PMS1: variants seen among roughly 807,000 people sequenced by gnomAD.
PMS1 encodes the protein PMS1 homolog 1, mismatch repair system component.
Under a neutral mutation model 93.1 loss-of-function variants are expected in PMS1, and 79 were observed. The observed-to-expected ratio is 0.85, with a 90% CI of 0.71 to 1.02. The LOEUF (loss-of-function observed/expected upper bound fraction) is 1.02, where lower values mean the gene tolerates loss of function less well. PMS1 is among the 50% of genes least tolerant of loss of function. The pLI is 0.00. For synonymous variants in PMS1, 335 were observed against 363.4 expected (o/e 0.92, Z 0.89); for missense variants, 1,064 against 1,085.3 (o/e 0.98, Z 0.28).
intron 4 of PMS1, among the ~76,000 whole-genome samples, chr2:189,811,618 A>G (rs562591299): frequency 1.3e-5 from 2 of 152,238 alleles, no homozygotes; most frequent in South Asian, 2.1e-4. Flanking sequence ...AACTAATAAC[A>G]TAATTAAGAT....
chr2:189,787,445 T>G (rs1020216616), intron 1 of PMS1, among the ~76,000 whole-genome samples: 1 of 152,134 alleles, frequency 6.6e-6, no homozygotes, highest in East Asian at 1.9e-4. Flanking sequence ...AAAAAAAAGT[T>G]TTACAGTTCA....
intron 7 of PMS1, among the ~76,000 whole-genome samples, chr2:189,853,255 C>T (rs1165878643): frequency 6.6e-6 from 1 of 151,880 alleles, no homozygotes; most frequent in African/African-American, 2.4e-5. Flanking sequence ...TGGGGTTTCA[C>T]CATTTGGCCA....
rs2050277933 is a variant in PMS1 at position 189,805,722 on chromosome 2, T to C, written c.386T>C (p.Ile129Thr). The C allele has an allele frequency of 1.2e-6, 2 of 1,613,904 alleles. No individual in the cohort carries two copies. Among genetic ancestry groups the C allele is most frequent in the Non-Finnish European group, 1.7e-6 (2 of 1,179,900 alleles). The change falls in exon 4 of 13, where the codon ATA (isoleucine) becomes ACA (threonine). Residue 129 changes from isoleucine (I) to threonine (T), a missense_variant. Ile to Thr is a moderately conservative substitution (Grantham distance 89). Transcript: ENST00000441310. Reference protein sequence around the residue: ...TQYVLDGSGHILSQKPSHLGQ... With the variant: ...TQYVLDGSGHTLSQKPSHLGQ... The stretch of plus-strand genomic sequence containing the variant: ...TATGTTTTAGATGGCAGTGGCCACA[T>C]ACTTTCTCAGAAACCTTCACATCTT...
chr2:189,869,267 C>T (rs772588054), intron 11 of PMS1, among the ~76,000 whole-genome samples: 4 of 152,212 alleles, frequency 2.6e-5, no homozygotes, highest in Non-Finnish European at 4.4e-5. Context: ...AATCAGTGAG[C>T]ATGGTACTTG....
At chr2:189,875,023 T>C (rs2057442061) in intron 12 of PMS1, among the ~76,000 whole-genome samples, 1 of 150,538 alleles carries the variant, frequency 6.6e-6, no homozygotes, top group Non-Finnish European at 1.5e-5. Flanking sequence ...TTAAGAAAAA[T>C]GGGCTAGGAA....
intron 5 of PMS1, among the ~76,000 whole-genome samples, chr2:189,831,279 G>A (rs1008134800): frequency 2.0e-4 from 30 of 152,154 alleles, no homozygotes; most frequent in African/African-American, 7.2e-4. Context: ...TTTTTAAGTA[G>A]GGAATTGACA....
At chr2:189,871,979 C>G (rs893169883) in intron 11 of PMS1, among the ~76,000 whole-genome samples, 2 of 151,998 alleles carry the variant, frequency 1.3e-5, no homozygotes, top group African/African-American at 4.8e-5. Flanking sequence ...TTTAAACAAC[C>G]AGCTGTTGTG....
intron 5 of PMS1, among the ~76,000 whole-genome samples, chr2:189,829,400 C>T (rs559424830): frequency 1.3e-5 from 2 of 152,320 alleles, no homozygotes; most frequent in South Asian, 4.1e-4. Flanking sequence ...TCCTTAGACT[C>T]TGTTGGACCT....
chr2:189,818,131 G>C lies in PMS1; in HGVS notation c.533G>C (p.Ser178Thr), dbSNP rs2106327013. Reference sequence around the variant, plus strand: ...AAAAAGATCCAAGATCTCCTCATGAGCTTTGGTATCCTTAAACCTGACTTA... The same window carrying C: ...AAAAAGATCCAAGATCTCCTCATGACCTTTGGTATCCTTAAACCTGACTTA... ...EIKKIQDLLMSFGILKPDLRI... is the reference protein window; with the variant it reads ...EIKKIQDLLMTFGILKPDLRI... Residue 178 changes from serine to threonine, a missense_variant, in exon 5 of 13, where the codon AGC (serine) becomes ACC (threonine). By Grantham distance (58) the Ser-to-Thr change is moderately conservative. Coordinates refer to ENST00000441310, the MANE Select transcript of PMS1 (RefSeq NM_000534.5). The C allele has an allele frequency of 1.9e-6, 3 of 1,609,530 alleles. No homozygotes were observed. The highest frequency in any genetic ancestry group is 2.6e-6 in the Non-Finnish European group (3 of 1,176,304).
intron 8 of PMS1, 29 bp downstream of exon 8, chr2:189,854,111 T>A: frequency 6.6e-7 from 1 of 1,514,042 alleles, no homozygotes; most frequent in Non-Finnish European, 9.1e-7. Flanking sequence ...TTTTTTCTTA[T>A]GCTATTTATA....
chr2:189,811,084 GA>G (rs2050801268), intron 4 of PMS1, among the ~76,000 whole-genome samples: 1 of 151,570 alleles, frequency 6.6e-6, no homozygotes, highest in African/African-American at 2.4e-5. Context: ...AAAACTAAAT[GA>G]AAATTCTAGA....
At chr2:189,827,885 G>T (rs905883442) in intron 5 of PMS1, among the ~76,000 whole-genome samples, 5 of 151,862 alleles carry the variant, frequency 3.3e-5, no homozygotes, top group African/African-American at 1.2e-4. Context: ...TGGTCCATGG[G>T]GATAAAGTTA....
chr2:189,864,575 GA>G (rs1269528100), intron 10 of PMS1, among the ~76,000 whole-genome samples: 2 of 141,190 alleles, frequency 1.4e-5, no homozygotes. Flanking sequence ...AGAATCGCTT[GA>G]ACCTGGGAGG....
At chr2:189,829,575 A>G (rs1158045958) in intron 5 of PMS1, among the ~76,000 whole-genome samples, 1 of 152,120 alleles carries the variant, frequency 6.6e-6, no homozygotes, top group Admixed American at 6.6e-5. Context: ...GTTTGACTAA[A>G]TCCTGATTAA....
At chr2:189,794,506 C>T (rs192480988) in intron 2 of PMS1, among the ~76,000 whole-genome samples, 2 of 152,050 alleles carry the variant, frequency 1.3e-5, no homozygotes, top group African/African-American at 2.4e-5. Flanking sequence ...TAAAAATTGC[C>T]GACATATACA....
intron 10 of PMS1, among the ~76,000 whole-genome samples, chr2:189,864,977 G>C (rs974913394): frequency 2.4e-4 from 36 of 151,132 alleles, no homozygotes; most frequent in Non-Finnish European, 7.4e-5. Context: ...CCAAGACTTT[G>C]CCACATTTGC....
Position 189,843,977 on chromosome 2 carries a change from A to C in PMS1, c.596A>C (p.Gln199Pro), listed in dbSNP as rs774854343. The change falls in exon 6 of 13, where the codon CAG (glutamine) becomes CCG (proline). Residue 199 changes from glutamine to proline, a missense_variant. Gln to Pro is a moderately conservative substitution (Grantham distance 76). Transcript: ENST00000441310. Reference protein sequence around the residue: ...VFVHNKAVIWQKSRVSDHKMA... With the variant: ...VFVHNKAVIWPKSRVSDHKMA... Reference sequence around the variant, plus strand: ...TTTTGTCCCTAGGCAGTTATTTGGCAGAAAAGCAGAGTATCAGATCACAAG... The same window carrying C: ...TTTTGTCCCTAGGCAGTTATTTGGCCGAAAAGCAGAGTATCAGATCACAAG... 2.5e-6 allele frequency: 4 copies of C among 1,613,948 alleles called. No individual in the cohort carries two copies. The highest frequency in any genetic ancestry group is 1.1e-5 in the South Asian group (1 of 91,084).
intron 4 of PMS1, among the ~76,000 whole-genome samples, chr2:189,813,275 T>C (rs1054735397): frequency 6.6e-6 from 1 of 152,200 alleles, no homozygotes; most frequent in Non-Finnish European, 1.5e-5. Context: ...AGGTGTAGTA[T>C]CAAACCCAAG....
chr2:189,810,244 A>C (rs753467353), intron 4 of PMS1, among the ~76,000 whole-genome samples: 1 of 152,246 alleles, frequency 6.6e-6, no homozygotes. Context: ...TGATGGATAC[A>C]GATTTTCAAG....
Sources: gnomAD v4.1 joint callset for allele counts (sites outside exome capture counted in the v4.1 genomes callset) on GRCh38, gnomAD v4.1.1 for gene constraint, MANE v1.5 for transcripts, NCBI Gene and HGNC (gene_info 2026-07-23, HGNC 2026-07-21) for gene names.